SYNE2: variants seen among roughly 807,000 people sequenced by gnomAD.
SYNE2 encodes spectrin repeat containing nuclear envelope protein 2.
In SYNE2, 431 loss-of-function variants were observed where a neutral mutation model predicts 856.3. The ratio of observed to expected loss-of-function variants is 0.50; its 90% CI spans 0.47 to 0.55. The LOEUF is 0.55. SYNE2 is among the 20% of genes least tolerant of loss of function. The pLI is 0.00. For synonymous variants in SYNE2, 2,923 were observed against 2,872.3 expected, an observed-to-expected ratio of 1.02 and a Z score of -0.56; for missense variants, 8,129 against 8,023.2, an observed-to-expected ratio of 1.01 and a Z score of -0.50.
At chr14:63,901,526 C>A (rs934409175) in intron 1 of SYNE2, among the ~76,000 whole-genome samples, 6 of 152,074 alleles carry the variant, frequency 3.9e-5, no homozygotes, top group Non-Finnish European at 7.4e-5. Flanking sequence ...TTGAAAAAAA[C>A]CAGAGTAAAT....
intron 1 of SYNE2, among the ~76,000 whole-genome samples, chr14:63,803,310 C>G (rs910790688): frequency 6.6e-6 from 1 of 152,200 alleles, no homozygotes; most frequent in Non-Finnish European, 1.5e-5. Context: ...CGCCATGGAG[C>G]AGGGGGTGGT....
intron 1 of SYNE2, among the ~76,000 whole-genome samples, chr14:63,905,573 G>T (rs1158388818): frequency 6.6e-6 from 1 of 152,026 alleles, no homozygotes; most frequent in Non-Finnish European, 1.5e-5. Flanking sequence ...TATTGTAAAC[G>T]GGATTATGTT....
In SYNE2 at chr14:64,025,309, A is replaced by G. The variant is rs766167877; in HGVS notation, c.6140A>G (p.Asn2047Ser). Residue 2047 changes from asparagine (N) to serine (S), a missense_variant, in exon 41 of 116, where the codon AAT (asparagine) becomes AGT (serine). Physicochemically the swap from Asn to Ser is conservative, Grantham distance 46. This residue lies in a region of SYNE2 where 2,422 missense variants were observed against 2,357.4 expected (regional missense o/e 1.03). Coordinates refer to ENST00000555002, the MANE Select transcript of SYNE2 (RefSeq NM_182914.3). ...CTACCCACAGAGGACCAGAGCTTTA[A>G]TGATCTTGCACATGATGTAATTCAT... Reference protein sequence around the residue: ...KLLPTEDQSFNDLAHDVIHWI... With the variant: ...KLLPTEDQSFSDLAHDVIHWI... 4 of 1,614,138 alleles carry G rather than the reference A, an allele frequency of 2.5e-6. No individual in the cohort carries two copies. Among genetic ancestry groups the G allele is most frequent in the Middle Eastern group, 1.7e-4 (1 of 6,060 alleles).
intron 97 of SYNE2, 131 bp from the exon 98 acceptor site, chr14:64,188,419 G>A (rs906368117): frequency 2.5e-5 from 25 of 995,930 alleles, no homozygotes; most frequent in Admixed American, 1.1e-4. Flanking sequence ...GTTTAGAAGA[G>A]GCAAAACCAG....
Position 64,122,341 on chromosome 14 carries a change from G to C in SYNE2, c.13336G>C (p.Gly4446Arg). 1 of 1,614,026 alleles carries C rather than the reference G, an allele frequency of 6.2e-7. No individual in the cohort carries two copies. The highest frequency in any genetic ancestry group is 8.5e-7 in the Non-Finnish European group (1 of 1,180,004). ...DVPDSILSPQ[G>R]QNGDKWQYLH... ...TCCAGACTCGATCTTGTCACCCCAG[G>C]GCCAAAATGGAGATAAGTGGCAATA... Residue 4446 changes from glycine (G) to arginine (R), a missense_variant, in exon 70 of 116, where the codon GGC becomes CGC. Gly to Arg is a moderately radical substitution (Grantham distance 125, BLOSUM62 -2). Coordinates refer to ENST00000555002, the MANE Select transcript of SYNE2 (RefSeq NM_182914.3).
At chr14:64,214,077 T>G in intron 105 of SYNE2, 117 bp from the exon 106 acceptor site, 1 of 1,496,422 alleles carries the variant, frequency 6.7e-7, no homozygotes, top group Non-Finnish European at 9.1e-7. Context: ...AAAGCTGCCT[T>G]AGAAATACTA....
At chr14:63,789,989 C>T (rs1887674553) in intron 1 of SYNE2, among the ~76,000 whole-genome samples, 2 of 152,100 alleles carry the variant, frequency 1.3e-5, no homozygotes, top group African/African-American at 2.4e-5. Context: ...GCATTACATT[C>T]CTATTCCACT....
Position 64,007,007 on chromosome 14 carries a change from G to A in SYNE2, c.4398-36G>A, listed in dbSNP as rs780020748. On this transcript the variant is annotated intron_variant, in intron 30 of 115. Coordinates refer to ENST00000555002, the MANE Select transcript of SYNE2 (RefSeq NM_182914.3). ...ATTTGTGTTGAATCAATGGTTAACA[G>A]TTGGCTATCAAACTTTTTTCTCATT... The A allele has an allele frequency of 3.9e-6, 6 of 1,533,628 alleles. No individual in the cohort carries two copies. The South Asian group carries it at 6.7e-5, about 17-fold the overall frequency.
At chr14:63,783,903 G>A (rs774214399) in intron 1 of SYNE2, among the ~76,000 whole-genome samples, 2 of 152,114 alleles carry the variant, frequency 1.3e-5, no homozygotes, top group Non-Finnish European at 2.9e-5. Context: ...TGGTATCAAC[G>A]CTAAACTTTC....
At position 64,053,300 on chromosome 14, in the gene SYNE2, A is replaced by C. The variant is rs754472032; in HGVS notation, c.9387A>C (p.Glu3129Asp). ...TACAAATAAAGCTGAATGCAGAAGAAAATGATAAGTTATACAAAGTTCTCC... is the reference window on the plus strand; with the variant it reads ...TACAAATAAAGCTGAATGCAGAAGACAATGATAAGTTATACAAAGTTCTCC... Reference protein sequence around the residue: ...EILQIKLNAEENDKLYKVLQN... With the variant: ...EILQIKLNAEDNDKLYKVLQN... The change falls in exon 48 of 116, where the codon GAA becomes GAC. Residue 3129 changes from glutamate to aspartate, a missense_variant. Glu to Asp is a conservative substitution (Grantham distance 45, BLOSUM62 2). Coordinates refer to ENST00000555002, the MANE Select transcript of SYNE2 (RefSeq NM_182914.3). 5.6e-6 allele frequency: 9 copies of C among 1,608,238 alleles called. No homozygotes were observed. The African/African-American group carries it at 9.4e-5, about 17-fold the overall frequency.
chr14:64,089,375 A>G (rs1197512343), intron 58 of SYNE2, among the ~76,000 whole-genome samples, 199 bp from the exon 59 acceptor site: 9 of 144,690 alleles, frequency 6.2e-5, no homozygotes, highest in Admixed American at 4.0e-4. Context: ...TCAGGAAAAA[A>G]AAAAAAAAAA....
intron 31 of SYNE2, among the ~76,000 whole-genome samples, chr14:64,007,665 C>T (rs1467431330): frequency 6.6e-6 from 1 of 152,046 alleles, no homozygotes; most frequent in Non-Finnish European, 1.5e-5. Flanking sequence ...TTGCTTGAGC[C>T]TATGTGTTTG....
intron 86 of SYNE2, 32 bp from the exon 87 acceptor site, chr14:64,159,280 T>A: frequency 6.2e-7 from 1 of 1,613,348 alleles, no homozygotes; most frequent in Non-Finnish European, 8.5e-7. Flanking sequence ...CAGGCCATTC[T>A]GAAACTTAAA....
intron 96 of SYNE2, among the ~76,000 whole-genome samples, chr14:64,184,528 C>T (rs1284493090): frequency 6.6e-6 from 1 of 152,196 alleles, no homozygotes; most frequent in East Asian, 1.9e-4. Flanking sequence ...GGTGGCCGAG[C>T]CAGCACCTCT....
chr14:64,225,125 A>C, intron 115 of SYNE2, 80 bp downstream of exon 115: 1 of 1,576,636 alleles, frequency 6.3e-7, no homozygotes, highest in South Asian at 1.1e-5. Flanking sequence ...TGCCACTATC[A>C]AGGTCCTTGC....
intron 111 of SYNE2, among the ~76,000 whole-genome samples, chr14:64,221,112 G>A (rs1019662111): frequency 1.3e-5 from 2 of 152,066 alleles, no homozygotes; most frequent in African/African-American, 4.8e-5. Flanking sequence ...AGTAAATGAG[G>A]CAGTATGTAT....
chr14:64,164,855 T>C (rs187466122), intron 89 of SYNE2, among the ~76,000 whole-genome samples: 7 of 143,574 alleles, frequency 4.9e-5, no homozygotes, highest in African/African-American at 1.8e-4. Flanking sequence ...GAATTTACTT[T>C]TTTTTATTTT....
At chr14:63,928,971 T>C (rs9323441) in intron 2 of SYNE2, among the ~76,000 whole-genome samples, 13,872 of 152,196 alleles carry the variant, frequency 0.091, 690 homozygotes, top group South Asian at 0.18. Context: ...GGCACAGAGC[T>C]CCTAAAACCC....
chr14:63,922,124 C>T (rs2153380098), intron 2 of SYNE2, among the ~76,000 whole-genome samples: 1 of 152,228 alleles, frequency 6.6e-6, no homozygotes, highest in African/African-American at 2.4e-5. Context: ...CTACCTCAGT[C>T]TCTTGAATAG....
Sources: gnomAD v4.1 joint callset for allele counts (sites outside exome capture counted in the v4.1 genomes callset) on GRCh38, gnomAD v4.1.1 for gene constraint, gnomAD v4.1.1 regional missense constraint, MANE v1.5 for transcripts, NCBI Gene and HGNC (gene_info 2026-07-23, HGNC 2026-07-21) for gene names.